TRIM22: variants seen among roughly 807,000 people sequenced by gnomAD.
TRIM22 encodes tripartite motif containing 22.
TRIM22 carries 45 observed loss-of-function variants against 53.6 expected under a neutral mutation model. The observed-to-expected ratio is 0.84, with a 90% CI of 0.66 to 1.08. TRIM22 has a LOEUF of 1.08. Ranked by LOEUF, TRIM22 falls within the 50% of genes least tolerant of loss-of-function variation. The probability of loss-of-function intolerance (pLI) is 0.00; values close to 1 mark genes in which losing one functional copy is unlikely to be tolerated. For synonymous variants in TRIM22, 225 were observed against 216.6 expected (o/e 1.04, Z -0.34); for missense variants, 616 against 590.9 (o/e 1.04, Z -0.44).
chr11:5,704,859 CACAA>C (rs1229317405), intron 4 of TRIM22, among the ~76,000 whole-genome samples: 1 of 152,004 alleles, frequency 6.6e-6, no homozygotes, highest in Non-Finnish European at 1.5e-5. Flanking sequence ...TGCCCTGTTT[CACAA>C]ACAGTTTGGT....
intron 4 of TRIM22, 94 bp downstream of exon 4, chr11:5,698,639 T>A (rs749728592): frequency 9.6e-7 from 1 of 1,043,880 alleles, no homozygotes; most frequent in South Asian, 1.6e-5. Context: ...CTTTCTTCTG[T>A]GTGGTGACAT....
rs879697513 is a variant in TRIM22 at position 5,708,713 on chromosome 11, GTTCTT to G, written c.901+113_901+117del. 335 of 686,546 alleles carry G rather than the reference GTTCTT, an allele frequency of 4.9e-4. 1 individual carries two copies. The highest frequency in any genetic ancestry group is 3.3e-3 in the Admixed American group (85 of 25,872). 42.5% of individuals were successfully genotyped at this position (686,546 alleles called of 1,614,324 possible). ...TCCCCAAACATGCTTAAACCATGTA[GTTCTT>G]TTTTTTTTTTTTTTTAAGATAGATT... On this transcript the variant is annotated intron_variant, in intron 7 of 7. Coordinates refer to ENST00000379965, the MANE Select transcript of TRIM22 (RefSeq NM_006074.5).
rs1007765381 is a variant in TRIM22 at position 5,708,618 on chromosome 11, G to C, written c.901+15G>C. ...GTACTACTGGGGTAAGATGATATGG[G>C]GTTTTCAAATCACTTCCTTTCAGAA... is the stretch of plus-strand genomic sequence containing the variant. On this transcript the variant is annotated intron_variant, in intron 7 of 7. Transcript: ENST00000379965. 3.1e-6 allele frequency: 5 copies of C among 1,603,702 alleles called. No individual in the cohort carries two copies. Among genetic ancestry groups the C allele is most frequent in the Non-Finnish European group, 3.4e-6 (4 of 1,176,422 alleles).
At chr11:5,708,428 G>A (rs1853498805) in intron 6 of TRIM22, 149 bp from the exon 7 acceptor site, 1 of 970,254 alleles carries the variant, frequency 1.0e-6, no homozygotes, top group East Asian at 2.6e-5. Context: ...GTCTTAGGGG[G>A]AATGACCAGG....
intron 4 of TRIM22, among the ~76,000 whole-genome samples, chr11:5,706,311 G>C (rs895398144): frequency 2.0e-5 from 3 of 152,134 alleles, no homozygotes; most frequent in African/African-American, 7.2e-5. Context: ...ACCATATCCA[G>C]GGATAGTAAG....
At position 5,697,301 on chromosome 11, in the gene TRIM22, G is replaced by A. The variant is rs1433505993; in HGVS notation, c.477G>A (p.Glu159=). The A allele has an allele frequency of 3.7e-6, 6 of 1,613,830 alleles. No homozygotes were observed. The highest frequency in any genetic ancestry group is 5.1e-6 in the Non-Finnish European group (6 of 1,179,860). The change falls in exon 3 of 8, where the codon GAG becomes GAA. Residue 159 remains glutamate, a synonymous_variant. Transcript: ENST00000379965. The part of the protein sequence containing the change: ...QRLIKEDQEA[E]KLEDDIRQER... ...TGATAAAGGAGGATCAAGAGGCTGA[G>A]AAGCTGGAAGATGACATCAGACAAG...
At chr11:5,695,076 A>C (rs12289981) in intron 1 of TRIM22, among the ~76,000 whole-genome samples, 64,771 of 152,088 alleles carry the variant, frequency 0.43, 14,091 homozygotes, top group Non-Finnish European at 0.47. Flanking sequence ...TATAGAGGAC[A>C]TATCAGTGAA....
intron 4 of TRIM22, among the ~76,000 whole-genome samples, chr11:5,701,999 C>T (rs1466965058): frequency 6.7e-6 from 1 of 150,360 alleles, no homozygotes; most frequent in Non-Finnish European, 1.5e-5. Context: ...TTGTATTATT[C>T]AATTGATTAT....
chr11:5,707,686 C>T (rs1052915384), intron 5 of TRIM22, among the ~76,000 whole-genome samples: 2 of 151,966 alleles, frequency 1.3e-5, no homozygotes, highest in African/African-American at 2.4e-5. Flanking sequence ...GTAGCAGGCA[C>T]CTGTAATCCC....
At chr11:5,697,555 C>T in intron 3 of TRIM22, 2 of 447,504 alleles carry the variant, frequency 4.5e-6, no homozygotes, top group Non-Finnish European at 4.0e-6. Context: ...GAAGTGAAGG[C>T]ATGGAGGGAA....
intron 7 of TRIM22, 136 bp from the exon 8 acceptor site, chr11:5,708,917 G>A: frequency 2.8e-6 from 2 of 714,400 alleles, no homozygotes; most frequent in Non-Finnish European, 2.3e-6. Context: ...TTTCTTAAGG[G>A]TCCTACTAAC....
chr11:5,698,415 A>T lies in TRIM22; in HGVS notation c.620A>T (p.Glu207Val), dbSNP rs755899709. 7.4e-6 allele frequency: 12 copies of T among 1,614,086 alleles called. No homozygotes were observed. The East Asian group carries it at 2.5e-4, about 33-fold the overall frequency. The change falls in exon 4 of 8, where the codon GAA becomes GTA. Residue 207 changes from glutamate (E) to valine (V), a missense_variant. Transcript: ENST00000379965. ...CAGAGAGAGCTGCAAAAGCTGGAGGAAGGTGAGGTGAATGTGCTGGATAAC... is the reference window on the plus strand; with the variant it reads ...CAGAGAGAGCTGCAAAAGCTGGAGGTAGGTGAGGTGAATGTGCTGGATAAC... ...EEQRELQKLE[E>V]GEVNVLDNLA...
Position 5,696,648 on chromosome 11 carries a change from A to C in TRIM22, c.416A>C (p.Glu139Ala). ...TTCCGCATAAACGAGGTGGTCAAGG[A>C]ATGTCAGGTAGGCTCCAAGATAGAG... ...QTFRINEVVK[E>A]CQEKLQVALQ... The change falls in exon 2 of 8, where the codon GAA becomes GCA. Residue 139 changes from glutamate (E) to alanine (A), a missense_variant. Physicochemically the swap from Glu to Ala is moderately radical, Grantham distance 107. Coordinates refer to ENST00000379965, the MANE Select transcript of TRIM22 (RefSeq NM_006074.5). 1 of 1,608,180 alleles carries C rather than the reference A, an allele frequency of 6.2e-7. No homozygotes were observed. The highest frequency in any genetic ancestry group is 1.1e-5 in the South Asian group (1 of 90,818).
At position 5,709,156 on chromosome 11, in the gene TRIM22, T is replaced by A. The variant is rs778832996; in HGVS notation, c.1005T>A (p.Asn335Lys). ...TVRTCTFKNS[N>K]PCDFSAFGVF... ...GCACCTGCACATTTAAGAATTCAAA[T>A]CCATGTGATTTTTCTGCTTTTGGTG... is the stretch of plus-strand genomic sequence containing the variant. Residue 335 changes from asparagine to lysine, a missense_variant, in exon 8 of 8, where the codon AAT (asparagine) becomes AAA (lysine). Physicochemically the swap from Asn to Lys is moderately conservative, Grantham distance 94. Coordinates refer to ENST00000379965, the MANE Select transcript of TRIM22 (RefSeq NM_006074.5). 6.2e-7 allele frequency: 1 copy of A among 1,614,192 alleles called. No individual in the cohort carries two copies. Among genetic ancestry groups the A allele is most frequent in the South Asian group, 1.1e-5 (1 of 91,084 alleles).
intron 4 of TRIM22, among the ~76,000 whole-genome samples, chr11:5,699,295 C>A (rs183069357): frequency 7.8e-6 from 1 of 127,972 alleles, no homozygotes; most frequent in Non-Finnish European, 1.6e-5. Context: ...GAGGCCGAGG[C>A]GGGTGGATCA....
intron 1 of TRIM22, 114 bp from the exon 2 acceptor site, chr11:5,696,036 GTTTATTCTTCATGCCTT>G (rs1853253848): frequency 2.1e-6 from 1 of 484,430 alleles, no homozygotes; most frequent in Admixed American, 3.7e-5. Flanking sequence ...TCTGTCATTG[GTTTATTCTTCATGCCTT>G]TCTTTTCTCC....
chr11:5,706,159 G>C (rs530636016), intron 4 of TRIM22, among the ~76,000 whole-genome samples: 2 of 152,248 alleles, frequency 1.3e-5, no homozygotes, highest in South Asian at 4.1e-4. Context: ...AAATATTAGA[G>C]CTCCTCCCTC....
intron 6 of TRIM22, 88 bp downstream of exon 6, chr11:5,708,361 A>G: frequency 8.0e-7 from 1 of 1,247,732 alleles, no homozygotes; most frequent in South Asian, 1.3e-5. Flanking sequence ...AGGTTAGGAT[A>G]TAGGAGAGGA....
chr11:5,708,540 G>T (rs763333947), intron 6 of TRIM22, 37 bp from the exon 7 acceptor site: 3 of 1,586,434 alleles, frequency 1.9e-6, no homozygotes, highest in Non-Finnish European at 1.7e-6. Flanking sequence ...TTACTTATTT[G>T]CTTCTAACAA....
Sources: gnomAD v4.1 joint callset for allele counts (sites outside exome capture counted in the v4.1 genomes callset) on GRCh38, gnomAD v4.1.1 for gene constraint, MANE v1.5 for transcripts, NCBI Gene and HGNC (gene_info 2026-07-23, HGNC 2026-07-21) for gene names.